Variants in XYLT1 observed in about 807,000 individuals in gnomAD.
The protein encoded by XYLT1 is xylosyltransferase 1, also known as beta-D-xylosyltransferase 1.
A neutral mutation model predicts 91.3 loss-of-function variants in XYLT1; 36 were observed. The ratio of observed to expected loss-of-function variants is 0.39; its 90% CI spans 0.30 to 0.52. The LOEUF (loss-of-function observed/expected upper bound fraction) is 0.52, where lower values mean the gene tolerates loss of function less well. XYLT1 is among the 20% of genes least tolerant of loss of function. XYLT1 has a pLI of 0.68. For synonymous variants in XYLT1, 588 were observed against 532.0 expected, an observed-to-expected ratio of 1.11 and a Z score of -1.45; for missense variants, 1,242 against 1,284.5, an observed-to-expected ratio of 0.97 and a Z score of 0.51.
rs79083871 is a variant in XYLT1, at chr16:17,325,954, G to A, written c.402+32058C>T. Reference sequence around the variant, plus strand: ...AGGAGGGACCTGAGATCCGTGTTCCGCTTGTCTGAATCTGCCATCCATTAT... The same window carrying A: ...AGGAGGGACCTGAGATCCGTGTTCCACTTGTCTGAATCTGCCATCCATTAT... On this transcript the variant is annotated intron_variant, in intron 2 of 11. Coordinates refer to ENST00000261381, the MANE Select transcript of XYLT1 (RefSeq NM_022166.4). Among the ~76,000 whole-genome samples the A allele has an allele frequency of 5.8e-4, 89 of 152,254 alleles. 3 individuals carry two copies. The East Asian group carries it at 0.014, about 24-fold the overall frequency.
chr16:17,423,687 C>T (rs2036276997), intron 1 of XYLT1, among the ~76,000 whole-genome samples: 1 of 152,034 alleles, frequency 6.6e-6, no homozygotes, highest in Admixed American at 6.5e-5. Context: ...TCAGTCTTAG[C>T]TCACTGCAAC....
chr16:17,191,928 T>C (rs1365293679), intron 5 of XYLT1, among the ~76,000 whole-genome samples: 1 of 152,122 alleles, frequency 6.6e-6, no homozygotes, highest in Non-Finnish European at 1.5e-5. Flanking sequence ...TCTGTATACA[T>C]ACACTGCCCC....
rs564693897 is a variant in XYLT1, at chr16:17,342,592, C to T, written c.402+15420G>A. Among the ~76,000 whole-genome samples, 24 of 152,222 alleles carry T rather than the reference C, an allele frequency of 1.6e-4. No homozygotes were observed. The South Asian group carries it at 5.0e-3, about 32-fold the overall frequency. ...CAAAAATTAGTTGGGCGAGGTGGCG[C>T]GTGCCTGTAATCCCAGCTACCCAGG... On this transcript the variant is annotated intron_variant, in intron 2 of 11. Transcript: ENST00000261381.
chr16:17,109,140 A>G (rs1439268024), intron 11 of XYLT1, 123 bp from the exon 12 acceptor site: 2 of 1,006,488 alleles, frequency 2.0e-6, no homozygotes, highest in Non-Finnish European at 2.7e-6. Flanking sequence ...TCACATGACA[A>G]TCTCATGAGG....
chr16:17,201,161 A>G (rs1349261159), intron 3 of XYLT1, among the ~76,000 whole-genome samples: 2 of 152,218 alleles, frequency 1.3e-5, no homozygotes, highest in African/African-American at 2.4e-5. Context: ...ACACTACAGT[A>G]CTGCTGCCTA....
intron 5 of XYLT1, among the ~76,000 whole-genome samples, chr16:17,187,141 C>T (rs1168170520): frequency 2.0e-5 from 3 of 151,842 alleles, no homozygotes; most frequent in African/African-American, 4.8e-5. Flanking sequence ...CCTGTAATCC[C>T]AGGACTTTGG....
At chr16:17,250,604 C>A (rs1027987569) in intron 3 of XYLT1, 1 of 152,278 alleles carries the variant, frequency 6.6e-6, no homozygotes, top group Non-Finnish European at 1.5e-5. Flanking sequence ...TGGTGGCTGA[C>A]CAATGAATGG....
rs144781799 is a variant in XYLT1 at position 17,428,879 on chromosome 16, A to C, written c.363+41555T>G. ...TTACTCTGGTCCCTGCTGGGCTGGGAGGCTGCTATTTCAGACTCAATCAGC... is the reference window on the plus strand; with the variant it reads ...TTACTCTGGTCCCTGCTGGGCTGGGCGGCTGCTATTTCAGACTCAATCAGC... On this transcript the variant is annotated intron_variant, in intron 1 of 11. Transcript: ENST00000261381. Among the ~76,000 whole-genome samples, 904 of 152,278 alleles carry C rather than the reference A, an allele frequency of 5.9e-3. 13 individuals carry two copies. Among genetic ancestry groups the C allele is most frequent in the African/African-American group, 0.021 (866 of 41,552 alleles).
chr16:17,450,555 G>C (rs545443654), intron 1 of XYLT1, among the ~76,000 whole-genome samples: 4 of 152,226 alleles, frequency 2.6e-5, no homozygotes, highest in Admixed American at 2.6e-4. Context: ...GTAACCACAA[G>C]AGACCTAAAA....
At chr16:17,436,905 T>C (rs1438829637) in intron 1 of XYLT1, among the ~76,000 whole-genome samples, 2 of 152,198 alleles carry the variant, frequency 1.3e-5, no homozygotes, top group Non-Finnish European at 2.9e-5. Context: ...CTGGGTAACA[T>C]ATGGGTTTCC....
chr16:17,454,351 C>T (rs1013570088), intron 1 of XYLT1, among the ~76,000 whole-genome samples: 2 of 152,076 alleles, frequency 1.3e-5, no homozygotes, highest in Non-Finnish European at 2.9e-5. Flanking sequence ...ACTCTGTGAA[C>T]CAATATAGAC....
At chr16:17,221,549 C>T (rs901962856) in intron 3 of XYLT1, among the ~76,000 whole-genome samples, 2 of 152,106 alleles carry the variant, frequency 1.3e-5, no homozygotes, top group African/African-American at 2.4e-5. Context: ...GCTTCCAAAG[C>T]CATTACTCCA....
At chr16:17,126,803 C>T (rs1243781923) in intron 10 of XYLT1, among the ~76,000 whole-genome samples, 1 of 152,162 alleles carries the variant, frequency 6.6e-6, no homozygotes, top group Admixed American at 6.5e-5. Flanking sequence ...CCTTCCTGCA[C>T]CACGACCCAA....
At chr16:17,230,410 C>T (rs1463180376) in intron 3 of XYLT1, among the ~76,000 whole-genome samples, 1 of 152,118 alleles carries the variant, frequency 6.6e-6, no homozygotes, top group African/African-American at 2.4e-5. Flanking sequence ...TGGGCTAGTT[C>T]CGATGTCCCC....
chr16:17,246,152 A>G (rs959035199), intron 3 of XYLT1, among the ~76,000 whole-genome samples: 9 of 152,336 alleles, frequency 5.9e-5, no homozygotes, highest in Middle Eastern at 3.4e-3. Context: ...CTACTGGTGA[A>G]ATGTGTAATT....
intron 1 of XYLT1, among the ~76,000 whole-genome samples, chr16:17,359,069 T>G (rs1202253264): frequency 3.3e-5 from 5 of 152,136 alleles, no homozygotes; most frequent in Admixed American, 2.6e-4. Context: ...GAGTTGGTGG[T>G]GTCCAGTGAG....
chr16:17,337,974 G>C (rs1363930191), intron 2 of XYLT1, among the ~76,000 whole-genome samples: 2 of 151,496 alleles, frequency 1.3e-5, no homozygotes, highest in African/African-American at 2.4e-5. Context: ...ACGGGGTTTC[G>C]CCATGTTGGC....
intron 6 of XYLT1, among the ~76,000 whole-genome samples, chr16:17,149,371 T>G (rs1321501631): frequency 6.6e-6 from 1 of 151,578 alleles, no homozygotes; most frequent in Non-Finnish European, 1.5e-5. Context: ...CTAATATAGC[T>G]AATGCTACAA....
chr16:17,309,640 G>A (rs944461079), intron 2 of XYLT1, among the ~76,000 whole-genome samples: 1 of 152,198 alleles, frequency 6.6e-6, no homozygotes, highest in African/African-American at 2.4e-5. Context: ...TTCCAGCGCT[G>A]CAGATTTCAC....
Sources: allele counts gnomAD v4.1 joint callset (sites outside exome capture counted in the v4.1 genomes callset), GRCh38; gene constraint gnomAD v4.1.1; transcripts MANE v1.5; gene names NCBI Gene and HGNC (gene_info 2026-07-23, HGNC 2026-07-21).